The following NRXN3 variants were observed in gnomAD, a reference collection of about 807,000 sequenced individuals.
The protein encoded by NRXN3 is neurexin III.
In NRXN3, 32 loss-of-function variants were observed where a neutral mutation model predicts 137.6. That is an observed-to-expected ratio of 0.23 (90% CI 0.18 to 0.31). NRXN3 has a LOEUF of 0.31. Among genes scored for constraint, NRXN3 ranks in the 10% least tolerant of loss-of-function variants. The pLI, the probability that NRXN3 is intolerant of heterozygous loss-of-function variation, is 1.00. For synonymous variants in NRXN3, 798 were observed against 784.5 expected (o/e 1.02, Z -0.29); for missense variants, 1,574 against 2,062.5 (o/e 0.76, Z 4.59).
intron 15 of NRXN3, among the ~76,000 whole-genome samples, chr14:79,212,561 G>A (rs190891344): frequency 3.1e-4 from 47 of 152,238 alleles, no homozygotes; most frequent in African/African-American, 1.1e-3. Context: ...GAGGATGCCA[G>A]GCCTGTTAAT....
chr14:78,331,012 C>T (rs900123267), intron 4 of NRXN3, among the ~76,000 whole-genome samples: 5 of 151,996 alleles, frequency 3.3e-5, no homozygotes, highest in African/African-American at 7.3e-5. Context: ...ATCTGTTTGC[C>T]TTTGTGTTTG....
At chr14:79,608,222 A>G (rs992528744) in intron 16 of NRXN3, among the ~76,000 whole-genome samples, 17 of 152,204 alleles carry the variant, frequency 1.1e-4, no homozygotes, top group Non-Finnish European at 1.5e-4. Context: ...TACAATTGAT[A>G]TAATGATTCT....
chr14:79,633,687 G>A (rs949307819), intron 16 of NRXN3, among the ~76,000 whole-genome samples: 1 of 152,184 alleles, frequency 6.6e-6, no homozygotes, highest in East Asian at 1.9e-4. Context: ...TTTTAAACGA[G>A]ACACATAATA....
At chr14:79,102,555 A>G (rs976347461) in intron 15 of NRXN3, among the ~76,000 whole-genome samples, 2 of 152,202 alleles carry the variant, frequency 1.3e-5, no homozygotes, top group Non-Finnish European at 2.9e-5. Flanking sequence ...AAGATAGTCT[A>G]GATAGTCTTA....
chr14:79,007,828 A>AAG (rs2099556670), intron 15 of NRXN3, among the ~76,000 whole-genome samples: 1 of 148,646 alleles, frequency 6.7e-6, no homozygotes, highest in Non-Finnish European at 1.5e-5. Flanking sequence ...AAAAAAAAAA[A>AAG]GCAGAAAAAT....
chr14:79,358,412 T>A (rs1312283746), intron 15 of NRXN3, among the ~76,000 whole-genome samples: 3 of 150,826 alleles, frequency 2.0e-5, no homozygotes, highest in Non-Finnish European at 4.4e-5. Context: ...CTACTAAAAA[T>A]ACAGAAACAA....
At chr14:79,832,069 G>T (rs943221565) in intron 20 of NRXN3, among the ~76,000 whole-genome samples, 1 of 152,082 alleles carries the variant, frequency 6.6e-6, no homozygotes, top group Non-Finnish European at 1.5e-5. Flanking sequence ...GGTGCAGTGT[G>T]TACATATAAC....
At chr14:78,624,379 C>T (rs986952254) in intron 4 of NRXN3, among the ~76,000 whole-genome samples, 3 of 152,178 alleles carry the variant, frequency 2.0e-5, no homozygotes, top group Admixed American at 6.5e-5. Context: ...GCCCCTGACA[C>T]ACTGGGTGCT....
intron 20 of NRXN3, among the ~76,000 whole-genome samples, chr14:79,842,661 G>T (rs1035262893): frequency 2.0e-5 from 3 of 151,446 alleles, no homozygotes; most frequent in East Asian, 1.9e-4. Context: ...GATTCTATGA[G>T]ATATATATAT....
intron 6 of NRXN3, among the ~76,000 whole-genome samples, chr14:78,683,641 T>C (rs1245947908): frequency 6.6e-6 from 1 of 152,190 alleles, no homozygotes; most frequent in East Asian, 1.9e-4. Flanking sequence ...GATTGCACTG[T>C]ATTAGTGACA....
chr14:78,997,826 C>T (rs1256567034), intron 15 of NRXN3, among the ~76,000 whole-genome samples: 1 of 152,118 alleles, frequency 6.6e-6, no homozygotes, highest in Non-Finnish European at 1.5e-5. Context: ...AAGGTCATTG[C>T]TGTTTGAATT....
chr14:78,356,186 T>TA (rs765878997), intron 4 of NRXN3, among the ~76,000 whole-genome samples: 3 of 152,174 alleles, frequency 2.0e-5, no homozygotes, highest in Non-Finnish European at 4.4e-5. Flanking sequence ...TTACAAGCCT[T>TA]AAAAAATCTC....
chr14:79,332,498 C>G (rs555866666), intron 15 of NRXN3, among the ~76,000 whole-genome samples: 2 of 152,252 alleles, frequency 1.3e-5, no homozygotes, highest in Non-Finnish European at 2.9e-5. Flanking sequence ...TTCTACTCAC[C>G]GTTTAAGACC....
At chr14:79,223,746 C>T (rs1205566835) in intron 15 of NRXN3, among the ~76,000 whole-genome samples, 1 of 152,108 alleles carries the variant, frequency 6.6e-6, no homozygotes, top group Non-Finnish European at 1.5e-5. Flanking sequence ...CAACCTGTTA[C>T]AGATTATCAA....
intron 16 of NRXN3, among the ~76,000 whole-genome samples, chr14:79,528,955 G>GTATGTCTC (rs2097145776): frequency 6.6e-6 from 1 of 152,104 alleles, no homozygotes; most frequent in East Asian, 1.9e-4. Flanking sequence ...GTATGTCTCG[G>GTATGTCTC]TCTTCTCTTT....
intron 15 of NRXN3, among the ~76,000 whole-genome samples, chr14:79,152,589 G>A (rs1203518266): frequency 6.6e-6 from 1 of 151,988 alleles, no homozygotes; most frequent in Non-Finnish European, 1.5e-5. Context: ...AGAAGGTGGA[G>A]GAGAAGCAAG....
chr14:79,713,817 C>T (rs1037031059), intron 19 of NRXN3, among the ~76,000 whole-genome samples: 11 of 150,918 alleles, frequency 7.3e-5, no homozygotes, highest in Admixed American at 3.3e-4. Flanking sequence ...ATGTATAAAC[C>T]CTTTGAATTT....
At chr14:78,483,058 G>C (rs1241784589) in intron 4 of NRXN3, among the ~76,000 whole-genome samples, 6 of 152,046 alleles carry the variant, frequency 3.9e-5, no homozygotes, top group Non-Finnish European at 7.4e-5. Context: ...AGCATGCTCT[G>C]TTTTATTTTC....
intron 16 of NRXN3, among the ~76,000 whole-genome samples, chr14:79,543,114 C>G (rs972908973): frequency 6.6e-6 from 1 of 152,170 alleles, no homozygotes; most frequent in African/African-American, 2.4e-5. Flanking sequence ...GACAGTGACT[C>G]TGGCGATGTC....
Sources: allele counts gnomAD v4.1 joint callset (sites outside exome capture counted in the v4.1 genomes callset), GRCh38; gene constraint gnomAD v4.1.1; transcripts MANE v1.5; gene names NCBI Gene and HGNC (gene_info 2026-07-23, HGNC 2026-07-21).